Variants in KLHL5 observed in about 807,000 individuals in gnomAD.
KLHL5 encodes the protein kelch like family member 5.
KLHL5 carries 48 observed loss-of-function variants against 77.7 expected under a neutral mutation model. The observed-to-expected ratio is 0.62, with a 90% confidence interval of 0.49 to 0.79. The LOEUF is 0.79. KLHL5 is among the 30% of genes least tolerant of loss of function. KLHL5 has a pLI of 0.00. For missense variants in KLHL5, 723 were observed against 859.7 expected (o/e 0.84, Z 1.99); for synonymous variants, 260 against 297.0 (o/e 0.88, Z 1.28).
At chr4:39,067,782 G>A (rs1718031966) in intron 1 of KLHL5, among the ~76,000 whole-genome samples, 1 of 151,806 alleles carries the variant, frequency 6.6e-6, no homozygotes. Flanking sequence ...CTGGGTTCAA[G>A]CGATTCTCCT....
intron 7 of KLHL5, among the ~76,000 whole-genome samples, chr4:39,104,737 A>G (rs1721887913): frequency 6.6e-6 from 1 of 152,188 alleles, no homozygotes; most frequent in East Asian, 1.9e-4. Flanking sequence ...TTATAATTAA[A>G]TAACTGTTAC....
At chr4:39,104,005 C>A (rs1230711353) in intron 7 of KLHL5, among the ~76,000 whole-genome samples, 3 of 142,556 alleles carry the variant, frequency 2.1e-5, no homozygotes, top group Non-Finnish European at 4.6e-5. Context: ...GGATCAATAC[C>A]AGTGAAGGTA....
At chr4:39,117,500 G>T (rs1015494981) in intron 10 of KLHL5, among the ~76,000 whole-genome samples, 2 of 152,102 alleles carry the variant, frequency 1.3e-5, no homozygotes, top group African/African-American at 4.8e-5. Context: ...CAGTTGCAAG[G>T]CTTGAAGCAT....
At chr4:39,063,143 G>C (rs1382860147) in intron 1 of KLHL5, 108 bp downstream of exon 1, 4 of 715,122 alleles carry the variant, frequency 5.6e-6, no homozygotes, top group East Asian at 2.9e-5. Flanking sequence ...ATGTACATCT[G>C]CATACATATA....
chr4:39,116,087 C>T (rs992036728), intron 10 of KLHL5: 2 of 947,218 alleles, frequency 2.1e-6, no homozygotes, highest in Non-Finnish European at 2.5e-6. Context: ...AATCCCAGCA[C>T]TTTGGGAGGC....
At chr4:39,130,599 G>A (rs989216100), downstream of KLHL5, among the ~76,000 whole-genome samples, 13 of 152,080 alleles carry the variant, frequency 8.5e-5, no homozygotes, top group African/African-American at 2.9e-4. Context: ...CACTCCAGGT[G>A]TGACATCTTG....
At chr4:39,141,857 T>C in the KLHL5 span, among the ~76,000 whole-genome samples, 1 of 152,154 alleles carries the variant, frequency 6.6e-6, no homozygotes, top group Non-Finnish European at 1.5e-5. Context: ...TATGTGAAGG[T>C]GTTGTGCTAC....
intron 1 of KLHL5, among the ~76,000 whole-genome samples, chr4:39,067,420 A>C (rs1393959878): frequency 1.3e-5 from 2 of 148,178 alleles, no homozygotes; most frequent in African/African-American, 2.5e-5. Context: ...GTTGGTAGTG[A>C]CCTTGATCAC....
At chr4:39,130,124 G>T (rs963300605), downstream of KLHL5, among the ~76,000 whole-genome samples, 1 of 152,204 alleles carries the variant, frequency 6.6e-6, no homozygotes, top group African/African-American at 2.4e-5. Flanking sequence ...ATAGAGGTGT[G>T]AAGTGGGAAA....
At chr4:39,072,687 A>T (rs2566135) in intron 1 of KLHL5, among the ~76,000 whole-genome samples, 110,189 of 151,738 alleles carry the variant, frequency 0.73, 40,156 homozygotes, top group East Asian at 0.82. Flanking sequence ...AATGTGCTTC[A>T]TCGCTCACCA....
At chr4:39,060,026 A>T (rs1470017907), upstream of KLHL5, among the ~76,000 whole-genome samples, 2 of 152,184 alleles carry the variant, frequency 1.3e-5, no homozygotes, top group Non-Finnish European at 2.9e-5. Context: ...AAAACCCAAA[A>T]ACCTGAAATC....
intron 10 of KLHL5, chr4:39,115,775 G>A: frequency 9.4e-7 from 1 of 1,063,408 alleles, no homozygotes; most frequent in Non-Finnish European, 1.1e-6. Context: ...TAATGAAGAT[G>A]GCAACCCTAA....
the KLHL5 span, among the ~76,000 whole-genome samples, chr4:39,136,028 G>A: frequency 6.6e-6 from 1 of 150,794 alleles, no homozygotes; most frequent in Admixed American, 6.7e-5. Flanking sequence ...GTGTGTGTGT[G>A]TGTGTGTGTG....
intron 5 of KLHL5, among the ~76,000 whole-genome samples, chr4:39,091,935 T>G (rs888574684): frequency 1.5e-5 from 2 of 132,316 alleles, no homozygotes; most frequent in Admixed American, 1.8e-4. Flanking sequence ...TCCTCCCGCC[T>G]AAGCCTCCCA....
intron 7 of KLHL5, among the ~76,000 whole-genome samples, chr4:39,105,973 G>A (rs375897048): frequency 5.9e-5 from 9 of 151,886 alleles, no homozygotes; most frequent in African/African-American, 2.2e-4. Context: ...TGATCATGTC[G>A]CACCTCTTCT....
chr4:39,078,343 G>A (rs1183171443), intron 2 of KLHL5, among the ~76,000 whole-genome samples: 1 of 151,464 alleles, frequency 6.6e-6, no homozygotes, highest in African/African-American at 2.4e-5. Context: ...CCGAGATCAC[G>A]CCACTGCACT....
At chr4:39,136,711 A>T in the KLHL5 span, among the ~76,000 whole-genome samples, 1 of 152,102 alleles carries the variant, frequency 6.6e-6, no homozygotes, top group Non-Finnish European at 1.5e-5. Flanking sequence ...AGATATCCAC[A>T]CCTGAGAACA....
intron 1 of KLHL5, among the ~76,000 whole-genome samples, chr4:39,069,479 C>T (rs1285409292): frequency 9.3e-5 from 12 of 128,646 alleles, no homozygotes; most frequent in Middle Eastern, 3.8e-3. Flanking sequence ...TATATACACA[C>T]ACACACACAC....
chr4:39,126,883 CTCCGGAA>C, downstream of KLHL5: 1 of 384,428 alleles, frequency 2.6e-6, no homozygotes, highest in Non-Finnish European at 5.1e-6. Flanking sequence ...TTTTATACAT[CTCCGGAA>C]TGAATGTGTG....
Sources: gnomAD v4.1 joint callset for allele counts (sites outside exome capture counted in the v4.1 genomes callset) on GRCh38, gnomAD v4.1.1 for gene constraint, MANE v1.5 for transcripts, NCBI Gene and HGNC (gene_info 2026-07-23, HGNC 2026-07-21) for gene names.